CBLC: variants seen among roughly 807,000 people sequenced by gnomAD.
The protein encoded by CBLC is Cbl proto-oncogene C.
A neutral mutation model predicts 58.6 loss-of-function variants in CBLC; 46 were observed. The ratio of observed to expected loss-of-function variants is 0.79; its 90% CI spans 0.62 to 1.00. The LOEUF is 1.00. Ranked by LOEUF, CBLC falls within the 50% of genes least tolerant of loss-of-function variation. The probability of loss-of-function intolerance (pLI) is 0.00; values close to 1 mark genes in which losing one functional copy is unlikely to be tolerated. For synonymous variants in CBLC, 271 were observed against 264.2 expected, an observed-to-expected ratio of 1.03 and a Z score of -0.25; for missense variants, 655 against 625.8, an observed-to-expected ratio of 1.05 and a Z score of -0.50.
intron 9 of CBLC, among the ~76,000 whole-genome samples, chr19:44,799,797 AGAAG>A (rs777148717): frequency 1.3e-5 from 2 of 151,394 alleles, no homozygotes; most frequent in Non-Finnish European, 2.9e-5. Context: ...GAAAAAAGAA[AGAAG>A]GAAGGAAGGA....
Position 44,781,357 on chromosome 19 carries a change from CTTTCAGGTCAGGGAAGG to C in CBLC, c.652_657+11del. ...TCGAGTTCGACGTCTTCACCAGGCT[CTTTCAGGTCAGGGAAGG>C]CCAAGGCTGGGAGCTAGACTTGGGT... On this transcript the variant is annotated splice_donor_variant and splice_donor_5th_base_variant and coding_sequence_variant and intron_variant, in exon 3 of 11. Transcript: ENST00000647358. LOFTEE classifies it high-confidence loss of function. 6.2e-7 allele frequency: 1 copy of C among 1,609,060 alleles called. No individual in the cohort carries two copies. The highest frequency in any genetic ancestry group is 1.3e-5 in the African/African-American group (1 of 75,064).
In CBLC at chr19:44,790,037, A is replaced by G; in HGVS notation, c.951A>G (p.Pro317=). 6.2e-7 allele frequency: 1 copy of G among 1,613,684 alleles called. No individual in the cohort carries two copies. Among genetic ancestry groups the G allele is most frequent in the Non-Finnish European group, 8.5e-7 (1 of 1,179,878 alleles). ...ACCCAGATGGAAAGACCCACAACCC[A>G]GACCTGACTGAGCTCGGCCAGGCAG... is the stretch of plus-strand genomic sequence containing the variant. ...YLYPDGKTHN[P]DLTELGQAEP... The change falls in exon 6 of 11, where the codon CCA becomes CCG. Residue 317 remains proline (P), a synonymous_variant. Transcript: ENST00000647358.
At chr19:44,782,183 G>A (rs1967766653) in intron 3 of CBLC, among the ~76,000 whole-genome samples, 187 bp from the exon 4 acceptor site, 1 of 152,078 alleles carries the variant, frequency 6.6e-6, no homozygotes, top group African/African-American at 2.4e-5. Flanking sequence ...GTCTGAGGGA[G>A]GAGGAAGCTA....
chr19:44,778,840 C>T (rs1408721914), intron 1 of CBLC, among the ~76,000 whole-genome samples: 1 of 105,512 alleles, frequency 9.5e-6, no homozygotes, highest in Admixed American at 1.0e-4. Context: ...GACCCAGAAA[C>T]TCAGGCCCCC....
At chr19:44,785,351 C>T (rs1402274396) in intron 5 of CBLC, among the ~76,000 whole-genome samples, 1 of 151,844 alleles carries the variant, frequency 6.6e-6, no homozygotes, top group East Asian at 1.9e-4. Flanking sequence ...AGTGATCTTC[C>T]CTTCTCGAAC....
rs373096271 is a variant in CBLC, at chr19:44,790,010, C to T, written c.924C>T (p.Leu308=). 4 of 1,613,244 alleles carry T rather than the reference C, an allele frequency of 2.5e-6. No homozygotes were observed. The highest frequency in any genetic ancestry group is 1.1e-5 in the South Asian group (1 of 91,068). The change falls in exon 6 of 11, where the codon CTC becomes CTT. Residue 308 remains leucine (L), a synonymous_variant. Coordinates refer to ENST00000647358, the MANE Select transcript of CBLC (RefSeq NM_012116.4). The part of the protein sequence containing the change: ...LLEGQKDGFY[L]YPDGKTHNPD... ...CTCTCTTCCCTTCCCCCAGCTACCT[C>T]TACCCAGATGGAAAGACCCACAACC...
At chr19:44,799,891 TAAAA>T (rs1968257897) in intron 9 of CBLC, among the ~76,000 whole-genome samples, 1 of 150,362 alleles carries the variant, frequency 6.7e-6, no homozygotes, top group African/African-American at 2.4e-5. Flanking sequence ...GAAAAGAGAA[TAAAA>T]GAAAGAAAGG....
Position 44,793,490 on chromosome 19 carries a change from C to A in CBLC, c.1154C>A (p.Thr385Asn), listed in dbSNP as rs1310418136. The stretch of plus-strand genomic sequence containing the variant: ...CTCCCCCAGCACTCGGACAGCCAGA[C>A]CTGCCCCTTCTGCCGCTGCGAGATC... ...LAAWQHSDSQ[T>N]CPFCRCEIKG... The change falls in exon 8 of 11, where the codon ACC becomes AAC. Residue 385 changes from threonine (T) to asparagine (N), a missense_variant. Thr to Asn is a moderately conservative substitution (Grantham distance 65). Transcript: ENST00000647358. 1 of 1,611,970 alleles carries A rather than the reference C, an allele frequency of 6.2e-7. No individual in the cohort carries two copies. Among genetic ancestry groups the A allele is most frequent in the Admixed American group, 1.7e-5 (1 of 59,602 alleles).
intron 5 of CBLC, among the ~76,000 whole-genome samples, chr19:44,785,934 GA>G (rs1205402413): frequency 6.6e-5 from 10 of 151,712 alleles, no homozygotes; most frequent in African/African-American, 2.4e-4. Flanking sequence ...GACTCCATCT[GA>G]AAAAAACAAA....
Position 44,784,366 on chromosome 19 carries a change from G to A in CBLC, c.882G>A (p.Leu294=), listed in dbSNP as rs541784652. ...AGACCATCCCTGCCAACAAACCCCT[G>A]TCCCAGGTGCTCCTGGAGGGACAGA... ...ILQTIPANKP[L]SQVLLEGQKD... Residue 294 remains leucine, a synonymous_variant, in exon 5 of 11, where the codon CTG becomes CTA. Transcript: ENST00000647358. 1.3e-6 allele frequency: 2 copies of A among 1,599,886 alleles called. No individual in the cohort carries two copies. Among genetic ancestry groups the A allele is most frequent in the East Asian group, 4.5e-5 (2 of 44,560 alleles).
chr19:44,782,591 A>T, intron 4 of CBLC, 100 bp downstream of exon 4: 1 of 968,472 alleles, frequency 1.0e-6, no homozygotes, highest in Non-Finnish European at 1.6e-6. Flanking sequence ...CAAGAGTGGG[A>T]ACAGAGGTAC....
At chr19:44,798,345 T>C (rs1269701116) in intron 9 of CBLC, among the ~76,000 whole-genome samples, 4 of 152,124 alleles carry the variant, frequency 2.6e-5, no homozygotes, top group Non-Finnish European at 5.9e-5. Context: ...AGCCTCCCCA[T>C]GAGTTTTGAT....
chr19:44,786,493 G>T (rs1298682703), intron 5 of CBLC, among the ~76,000 whole-genome samples: 1 of 150,714 alleles, frequency 6.6e-6, no homozygotes, highest in Admixed American at 6.6e-5. Flanking sequence ...TACTCAGGAG[G>T]CTGAGGCAGG....
rs376627763 is a variant in CBLC at position 44,798,293 on chromosome 19, T to TGATCCTCCTGTCTCGGC, written c.1363-2088_1363-2087insGATCCTCCTGTCTCGGC. ...TTGGTCTCTAACTCCTGGGCTCAAG[T>TGATCCTCCTGTCTCGGC]CTCCCAAAGTGCTGGGATTGCTGGC... On this transcript the variant is annotated intron_variant, in intron 9 of 10. Coordinates refer to ENST00000647358, the MANE Select transcript of CBLC (RefSeq NM_012116.4). 8.5e-3 allele frequency among the ~76,000 whole-genome samples: 1,289 copies of TGATCCTCCTGTCTCGGC among 152,190 alleles called. 21 individuals carry two copies. The highest frequency in any genetic ancestry group is 0.03 in the African/African-American group (1,226 of 41,530).
chr19:44,787,817 CAAAAAAA>C (rs1383950497), intron 5 of CBLC, among the ~76,000 whole-genome samples: 1 of 84,206 alleles, frequency 1.2e-5, no homozygotes, highest in African/African-American at 4.2e-5. Flanking sequence ...GACTTCATCT[CAAAAAAA>C]AAAAAAAAAA....
intron 9 of CBLC, among the ~76,000 whole-genome samples, chr19:44,795,619 C>A (rs1033884654): frequency 3.3e-5 from 5 of 151,782 alleles, no homozygotes; most frequent in African/African-American, 1.2e-4. Context: ...GGCAATATAG[C>A]GGAACCCCGT....
chr19:44,782,323 A>C, intron 3 of CBLC, 47 bp from the exon 4 acceptor site: 1 of 1,610,758 alleles, frequency 6.2e-7, no homozygotes. Flanking sequence ...TAGGGATGTG[A>C]GCTGCTTCCC....
At chr19:44,777,884 GC>G (rs1307830021), upstream of CBLC, 3 of 1,444,624 alleles carry the variant, frequency 2.1e-6, no homozygotes, top group Non-Finnish European at 2.7e-6. Context: ...GGGCGAGGCC[GC>G]CCCTATCCCA....
At chr19:44,791,512 T>C (rs1968048304) in intron 6 of CBLC, among the ~76,000 whole-genome samples, 1 of 151,886 alleles carries the variant, frequency 6.6e-6, no homozygotes, top group Non-Finnish European at 1.5e-5. Context: ...GCGGGCAGAT[T>C]ACTTGAGGTC....
Sources: allele counts gnomAD v4.1 joint callset (sites outside exome capture counted in the v4.1 genomes callset), GRCh38; gene constraint gnomAD v4.1.1; transcripts MANE v1.5; gene names NCBI Gene and HGNC (gene_info 2026-07-23, HGNC 2026-07-21).